TRAT1: variants seen among roughly 807,000 people sequenced by gnomAD.
TRAT1 encodes T-cell receptor-associated transmembrane adapter 1.
Under a neutral mutation model 20.0 loss-of-function variants are expected in TRAT1, and 20 were observed. The ratio of observed to expected loss-of-function variants is 1.00; its 90% CI spans 0.70 to 1.45. The LOEUF (loss-of-function observed/expected upper bound fraction) is 1.45, where lower values mean the gene tolerates loss of function less well. Among genes scored for constraint, TRAT1 ranks in the 40% most tolerant of loss-of-function variants. The pLI is 0.00. For synonymous variants in TRAT1, 77 were observed against 74.2 expected (o/e 1.04, Z -0.20); for missense variants, 237 against 224.1 (o/e 1.06, Z -0.37).
chr3:108,836,209 T>G (rs377744633), intron 2 of TRAT1, among the ~76,000 whole-genome samples: 1 of 152,140 alleles, frequency 6.6e-6, no homozygotes, highest in Non-Finnish European at 1.5e-5. Flanking sequence ...TGAGCCACCG[T>G]GCCCGGCCAG....
intron 1 of TRAT1, among the ~76,000 whole-genome samples, chr3:108,827,029 A>G (rs888803524): frequency 6.6e-6 from 1 of 152,164 alleles, no homozygotes; most frequent in African/African-American, 2.4e-5. Context: ...TAAACCCACC[A>G]CTATTAGCCC....
chr3:108,825,115 A>T (rs1340443457), intron 1 of TRAT1, among the ~76,000 whole-genome samples: 1 of 110,592 alleles, frequency 9.0e-6, no homozygotes, highest in Non-Finnish European at 2.2e-5. Context: ...GAAGAGAATC[A>T]GATGATAGTA....
At chr3:108,831,317 CT>C (rs1374752832) in intron 2 of TRAT1, among the ~76,000 whole-genome samples, 12 of 152,284 alleles carry the variant, frequency 7.9e-5, no homozygotes, top group African/African-American at 2.9e-4. Context: ...CCACTGTCAG[CT>C]TTGCTTTTTC....
rs541112708 is a variant in TRAT1 at position 108,847,208 on chromosome 3, A to G, written c.214+79A>G. On this transcript the variant is annotated intron_variant, in intron 4 of 5. Coordinates refer to ENST00000295756, the MANE Select transcript of TRAT1 (RefSeq NM_016388.4). ...AAAATAATTTAAGTGGCGCTTTAAAAAAATCAAATCACACTTAGCTATCCC... is the reference window on the plus strand; with the variant it reads ...AAAATAATTTAAGTGGCGCTTTAAAGAAATCAAATCACACTTAGCTATCCC... 2.4e-5 allele frequency: 20 copies of G among 845,120 alleles called. No homozygotes were observed. In the African/African-American group the frequency reaches 3.1e-4, roughly 13 times the overall value. 52.4% of individuals were successfully genotyped at this position (845,120 alleles called of 1,614,324 possible).
Position 108,851,211 on chromosome 3 carries a change from C to A in TRAT1, c.303+1957C>A, listed in dbSNP as rs375422893. 3.9e-5 allele frequency among the ~76,000 whole-genome samples: 6 copies of A among 152,284 alleles called. 1 individual carries two copies. The East Asian group carries it at 1.2e-3, about 29-fold the overall frequency. ...GATATTATGCATAAAGCTTGATAGACAAAGTGTTTCTTCGTTGGAAAAAAT... is the reference window on the plus strand; with the variant it reads ...GATATTATGCATAAAGCTTGATAGAAAAAGTGTTTCTTCGTTGGAAAAAAT... On this transcript the variant is annotated intron_variant, in intron 5 of 5. Transcript: ENST00000295756.
At chr3:108,827,609 T>G (rs1382846011) in intron 1 of TRAT1, among the ~76,000 whole-genome samples, 3 of 152,038 alleles carry the variant, frequency 2.0e-5, no homozygotes, top group East Asian at 1.9e-4. Flanking sequence ...TGTTTAAAAT[T>G]TATGTATTAT....
intron 1 of TRAT1, among the ~76,000 whole-genome samples, chr3:108,826,950 C>T (rs946713233): frequency 2.0e-5 from 3 of 152,168 alleles, no homozygotes; most frequent in Non-Finnish European, 4.4e-5. Flanking sequence ...AGAGCACATG[C>T]AATTGTGAAT....
At chr3:108,827,768 A>T (rs1945754837) in intron 1 of TRAT1, among the ~76,000 whole-genome samples, 1 of 152,126 alleles carries the variant, frequency 6.6e-6, no homozygotes, top group Non-Finnish European at 1.5e-5. Context: ...CCAAGTGGTT[A>T]TGTGGGGCAA....
chr3:108,836,264 C>G (rs1945841728), intron 2 of TRAT1, among the ~76,000 whole-genome samples: 1 of 152,086 alleles, frequency 6.6e-6, no homozygotes, highest in Non-Finnish European at 1.5e-5. Flanking sequence ...TAGGCACCAG[C>G]GTTCATACTT....
intron 3 of TRAT1, among the ~76,000 whole-genome samples, 183 bp from the exon 4 acceptor site, chr3:108,846,885 G>GATACAC (rs897477673): frequency 2.0e-5 from 3 of 152,156 alleles, no homozygotes; most frequent in African/African-American, 7.2e-5. Flanking sequence ...ACGGAACACA[G>GATACAC]ATACACATAC....
At chr3:108,831,041 C>T (rs1318096411) in intron 2 of TRAT1, among the ~76,000 whole-genome samples, 5 of 152,140 alleles carry the variant, frequency 3.3e-5, no homozygotes, top group East Asian at 1.9e-4. Flanking sequence ...CTGGTAAATA[C>T]GTTTTTCCTC....
intron 3 of TRAT1, among the ~76,000 whole-genome samples, chr3:108,844,455 A>AAATAATTAAATTAAT (rs1426134929): frequency 0.024 from 3,593 of 151,672 alleles, 131 homozygotes; most frequent in African/African-American, 0.079. Context: ...AGTTATTTAA[A>AAATAATTAAATTAAT]TGGACTTTGA....
At position 108,838,971 on chromosome 3, in the gene TRAT1, T is replaced by G. The variant is rs771760432; in HGVS notation, c.152+4T>G. 5.6e-6 allele frequency: 9 copies of G among 1,603,984 alleles called. No individual in the cohort carries two copies. Among genetic ancestry groups the G allele is most frequent in the Middle Eastern group, 1.7e-4 (1 of 6,054 alleles). Reference sequence around the variant, plus strand: ...GCTACTCCAGTGACCACACCAGGTATGTTGTGATTCAGTCATGGATCATGA... The same window carrying G: ...GCTACTCCAGTGACCACACCAGGTAGGTTGTGATTCAGTCATGGATCATGA... On this transcript the variant is annotated splice_donor_region_variant and intron_variant, in intron 3 of 5. Transcript: ENST00000295756.
chr3:108,842,742 T>G (rs998302550), intron 3 of TRAT1, among the ~76,000 whole-genome samples: 6 of 152,216 alleles, frequency 3.9e-5, no homozygotes, highest in Admixed American at 3.3e-4. Flanking sequence ...TTCTTTCCAG[T>G]ATCCTTTCCG....
At chr3:108,843,597 C>T (rs1206376566) in intron 3 of TRAT1, among the ~76,000 whole-genome samples, 1 of 152,082 alleles carries the variant, frequency 6.6e-6, no homozygotes, top group Non-Finnish European at 1.5e-5. Flanking sequence ...TTACAGCTAC[C>T]TCTTCATTGC....
chr3:108,826,598 C>T (rs73850642), intron 1 of TRAT1, among the ~76,000 whole-genome samples: 1,573 of 152,210 alleles, frequency 0.01, 23 homozygotes, highest in African/African-American at 0.036. Flanking sequence ...CAACCACCAC[C>T]ATGGTAAGAA....
rs566916830 is a variant in TRAT1 at position 108,836,197 on chromosome 3, C to G, written c.119-2737C>G. Among the ~76,000 whole-genome samples, 313 of 152,288 alleles carry G rather than the reference C, an allele frequency of 2.1e-3. 1 individual carries two copies. The highest frequency in any genetic ancestry group is 7.1e-3 in the African/African-American group (295 of 41,568). Reference sequence around the variant, plus strand: ...CCTCCCAAAGTGCTGGGATTACAGGCATGAGCCACCGTGCCCGGCCAGAGT... The same window carrying G: ...CCTCCCAAAGTGCTGGGATTACAGGGATGAGCCACCGTGCCCGGCCAGAGT... On this transcript the variant is annotated intron_variant, in intron 2 of 5. Coordinates refer to ENST00000295756, the MANE Select transcript of TRAT1 (RefSeq NM_016388.4).
intron 4 of TRAT1, among the ~76,000 whole-genome samples, chr3:108,847,956 G>A (rs1447712): frequency 0.53 from 80,799 of 152,060 alleles, 21,951 homozygotes; most frequent in East Asian, 0.9. Context: ...TTTCTTTTGC[G>A]TGATTCAAGA....
intron 2 of TRAT1, among the ~76,000 whole-genome samples, chr3:108,836,148 G>A (rs1378008082): frequency 1.3e-5 from 2 of 152,072 alleles, no homozygotes; most frequent in Non-Finnish European, 2.9e-5. Context: ...CCGATCTCCC[G>A]ACCTCGTGAT....
Sources: gnomAD v4.1 joint callset for allele counts (sites outside exome capture counted in the v4.1 genomes callset) on GRCh38, gnomAD v4.1.1 for gene constraint, MANE v1.5 for transcripts, NCBI Gene and HGNC (gene_info 2026-07-23, HGNC 2026-07-21) for gene names.